Variants in ZNF503 observed in about 807,000 individuals in gnomAD.
The protein encoded by ZNF503 is NocA-like zinc finger 2.
A neutral mutation model predicts 34.4 loss-of-function variants in ZNF503; 15 were observed. The observed-to-expected ratio is 0.44, with a 90% CI of 0.29 to 0.67. The LOEUF is 0.67. Among genes scored for constraint, ZNF503 ranks in the 30% least tolerant of loss-of-function variants. The probability of loss-of-function intolerance (pLI) is 0.13; values close to 1 mark genes in which losing one functional copy is unlikely to be tolerated. For synonymous variants in ZNF503, 580 were observed against 456.8 expected (o/e 1.27, Z -3.44); for missense variants, 1,007 against 926.8 (o/e 1.09, Z -1.12).
the ZNF503 span, among the ~76,000 whole-genome samples, chr10:75,354,751 C>A: frequency 6.6e-6 from 1 of 152,126 alleles, no homozygotes; most frequent in African/African-American, 2.4e-5. Flanking sequence ...AAACTTGAAT[C>A]TTGAATGAAA....
chr10:75,322,256 TG>T, the ZNF503 span, among the ~76,000 whole-genome samples: 2 of 151,974 alleles, frequency 1.3e-5, no homozygotes, highest in African/African-American at 2.4e-5. Context: ...CCTGAGTAGC[TG>T]GGTCTACAGG....
downstream of ZNF503, among the ~76,000 whole-genome samples, chr10:75,397,642 AAT>A (rs1246906881): frequency 2.6e-5 from 4 of 152,212 alleles, no homozygotes; most frequent in African/African-American, 9.6e-5. Context: ...ATCCTCTAAA[AAT>A]ATGTTCCCCA....
the ZNF503 span, among the ~76,000 whole-genome samples, chr10:75,303,740 C>T: frequency 1.1e-4 from 17 of 151,900 alleles, no homozygotes; most frequent in East Asian, 5.8e-4. Context: ...GAGAATGTTA[C>T]GGTAAGCAAG....
the ZNF503 span, among the ~76,000 whole-genome samples, chr10:75,325,979 C>A: frequency 6.6e-6 from 1 of 152,116 alleles, no homozygotes; most frequent in Admixed American, 6.6e-5. Flanking sequence ...CCGCCTTGGC[C>A]TCCCTCAGTG....
the ZNF503 span, among the ~76,000 whole-genome samples, chr10:75,315,713 T>C: frequency 6.6e-6 from 1 of 152,118 alleles, no homozygotes; most frequent in Non-Finnish European, 1.5e-5. Context: ...AAACAATTAA[T>C]AACATAGCCA....
At chr10:75,329,410 CTTCCT>C in the ZNF503 span, among the ~76,000 whole-genome samples, 8 of 65,850 alleles carry the variant, frequency 1.2e-4, no homozygotes, top group African/African-American at 4.4e-4. Flanking sequence ...TCCTTCCTTC[CTTCCT>C]TTCCTTCCTT....
At chr10:75,324,428 A>T in the ZNF503 span, among the ~76,000 whole-genome samples, 1 of 151,924 alleles carries the variant, frequency 6.6e-6, no homozygotes, top group Admixed American at 6.6e-5. Flanking sequence ...TCCTGGGCTC[A>T]AAGGATCCTC....
chr10:75,340,422 G>C, the ZNF503 span, among the ~76,000 whole-genome samples: 1 of 152,112 alleles, frequency 6.6e-6, no homozygotes, highest in Non-Finnish European at 1.5e-5. Context: ...TGTGTTCTAA[G>C]AAAATAGTTG....
the ZNF503 span, chr10:75,288,194 TGAACCG>T: frequency 6.6e-6 from 1 of 152,274 alleles, no homozygotes; most frequent in Non-Finnish European, 1.5e-5. Flanking sequence ...ATTTATTTAA[TGAACCG>T]GAAGTGTTAA....
At chr10:75,390,065 G>A in the ZNF503 span, among the ~76,000 whole-genome samples, 1 of 151,680 alleles carries the variant, frequency 6.6e-6, no homozygotes, top group East Asian at 1.9e-4. Context: ...GGCTAATTTT[G>A]TTTTTGTATT....
chr10:75,383,589 A>T, the ZNF503 span, among the ~76,000 whole-genome samples: 1 of 152,208 alleles, frequency 6.6e-6, no homozygotes, highest in African/African-American at 2.4e-5. Flanking sequence ...TTTGTGACTC[A>T]GCCGCTCAGT....
Position 75,399,302 on chromosome 10 carries a change from T to G in ZNF503, c.1388A>C (p.Lys463Thr). 6.2e-7 allele frequency: 1 copy of G among 1,602,600 alleles called. No homozygotes were observed. The highest frequency in any genetic ancestry group is 2.3e-5 in the East Asian group (1 of 44,394). Reference sequence around the variant, plus strand: ...GGGGTACACCAGCGGGTATCCGGACTTCAGCGCCGCAGCCGCAGCAGCCGG... The same window carrying G: ...GGGGTACACCAGCGGGTATCCGGACGTCAGCGCCGCAGCCGCAGCAGCCGG... ...HDPAAAAAALKSGYPLVYPTH... is the reference protein window; with the variant it reads ...HDPAAAAAALTSGYPLVYPTH... Residue 463 changes from lysine (K) to threonine (T), a missense_variant, in exon 2 of 2, where the codon AAG becomes ACG. Coordinates refer to ENST00000372524, the MANE Select transcript of ZNF503 (RefSeq NM_032772.6).
chr10:75,340,144 T>A, the ZNF503 span, among the ~76,000 whole-genome samples: 2 of 6,746 alleles, frequency 3.0e-4, no homozygotes, highest in East Asian at 7.5e-3. Context: ...AATGGGGGCC[T>A]GGTGGTGGGG....
chr10:75,342,977 A>G, the ZNF503 span, among the ~76,000 whole-genome samples: 1 of 152,180 alleles, frequency 6.6e-6, no homozygotes, highest in Non-Finnish European at 1.5e-5. Context: ...AGAGAATCTG[A>G]TCTAATCTGA....
At chr10:75,311,412 C>A in the ZNF503 span, among the ~76,000 whole-genome samples, 25 of 152,290 alleles carry the variant, frequency 1.6e-4, no homozygotes, top group African/African-American at 5.8e-4. Context: ...TCAATCCAAT[C>A]AAATTGACAC....
At chr10:75,356,437 G>A in the ZNF503 span, among the ~76,000 whole-genome samples, 1 of 152,104 alleles carries the variant, frequency 6.6e-6, no homozygotes, top group Admixed American at 6.6e-5. Context: ...GGATGGTCTC[G>A]ATCTCCTGAC....
intron 1 of ZNF503, 25 bp downstream of exon 1, chr10:75,401,080 T>A: frequency 1.2e-6 from 2 of 1,613,516 alleles, no homozygotes; most frequent in Non-Finnish European, 1.7e-6. Context: ...GTGGTCCCAG[T>A]GCGATCCAGA....
chr10:75,313,827 A>G, the ZNF503 span, among the ~76,000 whole-genome samples: 1 of 152,244 alleles, frequency 6.6e-6, no homozygotes, highest in Admixed American at 6.5e-5. Context: ...TAAGGAAAAC[A>G]AAAGAGAGAA....
Position 75,398,711 on chromosome 10 carries a change from C to G in ZNF503, c.*38G>C. 2 of 1,352,100 alleles carry G rather than the reference C, an allele frequency of 1.5e-6. No homozygotes were observed. The highest frequency in any genetic ancestry group is 1.9e-6 in the Non-Finnish European group (2 of 1,057,202). The allele number at this position is 1,352,100 out of a possible 1,614,324, so 83.8% of individuals were successfully genotyped here. A position where few individuals can be genotyped will look rare whatever the true frequency, so the allele number is the denominator to read the frequency against. Reference sequence around the variant, plus strand: ...CTCTCCCTGGACTCCTCCCCTCCCCCTCTCCCTCCTCTCCCTCGCTCGCCC... The same window carrying G: ...CTCTCCCTGGACTCCTCCCCTCCCCGTCTCCCTCCTCTCCCTCGCTCGCCC... On this transcript the variant is annotated 3_prime_UTR_variant, in exon 2 of 2. Transcript: ENST00000372524.
Sources: allele counts gnomAD v4.1 joint callset (sites outside exome capture counted in the v4.1 genomes callset), GRCh38; gene constraint gnomAD v4.1.1; transcripts MANE v1.5; gene names NCBI Gene and HGNC (gene_info 2026-07-23, HGNC 2026-07-21).